The following NTM variants were observed in gnomAD, a reference collection of about 807,000 sequenced individuals.
NTM encodes IgLON family member 2.
NTM carries 13 observed loss-of-function variants against 42.1 expected under a neutral mutation model. The ratio of observed to expected loss-of-function variants is 0.31; its 90% CI spans 0.20 to 0.49. The LOEUF (loss-of-function observed/expected upper bound fraction) is 0.49. Among genes scored for constraint, NTM ranks in the 20% least tolerant of loss-of-function variants. The pLI is 0.99. For missense variants in NTM, 373 were observed against 452.8 expected, an observed-to-expected ratio of 0.82 and a Z score of 1.60; for synonymous variants, 187 against 179.2, an observed-to-expected ratio of 1.04 and a Z score of -0.35.
chr11:131,506,151 G>GA (rs2047462471), intron 1 of NTM, among the ~76,000 whole-genome samples: 1 of 152,106 alleles, frequency 6.6e-6, no homozygotes, highest in African/African-American at 2.4e-5. Context: ...CTCAAGCATA[G>GA]ACAAATCAGG....
chr11:131,706,778 TAAAAC>T (rs1388408521), intron 1 of NTM, among the ~76,000 whole-genome samples: 2 of 152,012 alleles, frequency 1.3e-5, no homozygotes, highest in Non-Finnish European at 2.9e-5. Context: ...TTTAAAATCT[TAAAAC>T]AAACAAACAT....
chr11:131,652,013 G>C (rs1180373992), intron 1 of NTM, among the ~76,000 whole-genome samples: 1 of 152,092 alleles, frequency 6.6e-6, no homozygotes, highest in East Asian at 1.9e-4. Context: ...CTTTGTCCTG[G>C]AAGCAGACAC....
At chr11:131,487,879 C>A (rs1954355100) in intron 1 of NTM, among the ~76,000 whole-genome samples, 3 of 152,166 alleles carry the variant, frequency 2.0e-5, no homozygotes, top group African/African-American at 7.2e-5. Context: ...GGGAAGAGGA[C>A]CACTTTCTTT....
chr11:131,781,604 G>A (rs923280562), intron 1 of NTM, among the ~76,000 whole-genome samples: 5 of 152,040 alleles, frequency 3.3e-5, no homozygotes, highest in African/African-American at 1.2e-4. Context: ...ACATCAAAAG[G>A]CCAATAGTGA....
chr11:132,152,173 A>G (rs1044830183), intron 3 of NTM, among the ~76,000 whole-genome samples: 2 of 152,230 alleles, frequency 1.3e-5, no homozygotes, highest in Admixed American at 6.5e-5. Flanking sequence ...CCTAATCCTT[A>G]CTTTGAAAGC....
intron 1 of NTM, among the ~76,000 whole-genome samples, chr11:131,663,953 C>G (rs900810727): frequency 1.3e-5 from 2 of 152,200 alleles, no homozygotes; most frequent in Non-Finnish European, 2.9e-5. Context: ...GTCTATCTGA[C>G]TACAGTATTT....
chr11:131,613,911 T>C (rs61901571), intron 1 of NTM, among the ~76,000 whole-genome samples: 33,640 of 152,168 alleles, frequency 0.22, 4,062 homozygotes, highest in South Asian at 0.33. Context: ...TCCTCACTCC[T>C]GGCTTCCTCC....
At chr11:132,101,288 G>GCTGAGCAGCA (rs1218925571) in intron 2 of NTM, among the ~76,000 whole-genome samples, 1 of 152,058 alleles carries the variant, frequency 6.6e-6, no homozygotes, top group Non-Finnish European at 1.5e-5. Context: ...AAGAGAGATG[G>GCTGAGCAGCA]CTGAGCAGCA....
intron 1 of NTM, among the ~76,000 whole-genome samples, chr11:131,563,115 A>G (rs191523938): frequency 3.3e-4 from 51 of 152,304 alleles, no homozygotes; most frequent in Non-Finnish European, 6.0e-4. Flanking sequence ...GAAAGCTGAG[A>G]TAATAGCTAC....
At chr11:131,650,331 C>T (rs2066319815) in intron 1 of NTM, among the ~76,000 whole-genome samples, 2 of 152,160 alleles carry the variant, frequency 1.3e-5, no homozygotes, top group African/African-American at 4.8e-5. Context: ...CTTAGAGTAA[C>T]ATTGGTTCAC....
At chr11:132,207,588 G>GA (rs1183203757) in intron 3 of NTM, among the ~76,000 whole-genome samples, 2 of 152,132 alleles carry the variant, frequency 1.3e-5, no homozygotes, top group African/African-American at 4.8e-5. Flanking sequence ...CCAGTTCATG[G>GA]AAAAAATTAT....
intron 1 of NTM, among the ~76,000 whole-genome samples, chr11:131,558,194 GTTC>G (rs1198433030): frequency 1.3e-5 from 2 of 152,180 alleles, no homozygotes; most frequent in Non-Finnish European, 2.9e-5. Context: ...TCCTTTGGAA[GTTC>G]TTCTGCGTGC....
intron 7 of NTM, among the ~76,000 whole-genome samples, chr11:132,317,904 A>G (rs1412157098): frequency 6.6e-6 from 1 of 152,086 alleles, no homozygotes; most frequent in Non-Finnish European, 1.5e-5. Flanking sequence ...AGGGCTGGGA[A>G]GGGGAAAGAA....
At chr11:132,251,712 T>G (rs978359362) in intron 4 of NTM, among the ~76,000 whole-genome samples, 9 of 152,212 alleles carry the variant, frequency 5.9e-5, no homozygotes, top group Admixed American at 1.3e-4. Flanking sequence ...CACAGGGTTA[T>G]TCCAAAGCTC....
chr11:131,838,281 C>T (rs1312298322), intron 1 of NTM, among the ~76,000 whole-genome samples: 2 of 152,102 alleles, frequency 1.3e-5, no homozygotes, highest in Admixed American at 6.5e-5. Flanking sequence ...CTCCAGTCAA[C>T]GATCCTGAAG....
At chr11:131,756,409 C>T (rs2083338619) in intron 1 of NTM, among the ~76,000 whole-genome samples, 1 of 151,916 alleles carries the variant, frequency 6.6e-6, no homozygotes, top group South Asian at 2.1e-4. Flanking sequence ...CATAGAAAGA[C>T]CTTGTCTGGG....
chr11:132,121,274 C>A (rs1280976313), intron 2 of NTM, among the ~76,000 whole-genome samples: 2 of 151,994 alleles, frequency 1.3e-5, no homozygotes, highest in Non-Finnish European at 2.9e-5. Flanking sequence ...GTGTTAATGT[C>A]CTACTCTTAA....
At chr11:132,166,706 C>A (rs1006004749) in intron 3 of NTM, among the ~76,000 whole-genome samples, 10 of 152,174 alleles carry the variant, frequency 6.6e-5, no homozygotes, top group African/African-American at 2.4e-4. Flanking sequence ...GCTGCTTTTG[C>A]TAAATTAGCA....
chr11:132,114,479 A>G (rs887852416), intron 2 of NTM, among the ~76,000 whole-genome samples: 1 of 152,136 alleles, frequency 6.6e-6, no homozygotes, highest in Admixed American at 6.5e-5. Flanking sequence ...TATGACAGTA[A>G]TTATATCAGT....
Sources: allele counts gnomAD v4.1 joint callset (sites outside exome capture counted in the v4.1 genomes callset), GRCh38; gene constraint gnomAD v4.1.1; transcripts MANE v1.5; gene names NCBI Gene and HGNC (gene_info 2026-07-23, HGNC 2026-07-21).